The following CNTNAP4 variants were observed in gnomAD, a reference collection of about 807,000 sequenced individuals.
CNTNAP4 encodes the protein contactin-associated protein-like 4.
In CNTNAP4, 98 loss-of-function variants were observed where a neutral mutation model predicts 148.4. The ratio of observed to expected loss-of-function variants is 0.66; its 90% confidence interval spans 0.56 to 0.78. The LOEUF is 0.78. Among genes scored for constraint, CNTNAP4 ranks in the 30% least tolerant of loss-of-function variants. CNTNAP4 has a pLI of 0.00. For synonymous variants in CNTNAP4, 730 were observed against 565.1 expected (o/e 1.29, Z -4.14); for missense variants, 1,935 against 1,565.6 (o/e 1.24, Z -3.98).
chr16:76,522,766 C>CTTTTCTTTTCTTTTCTTTT lies in CNTNAP4; in HGVS notation c.2755+522_2755+523insTCTTTTTTTTCTTTTCTTT, dbSNP rs1568498490. 1.8e-4 allele frequency among the ~76,000 whole-genome samples: 16 copies of CTTTTCTTTTCTTTTCTTTT among 87,208 alleles called. 1 individual carries two copies. The highest frequency in any genetic ancestry group is 2.8e-4 in the Non-Finnish European group (12 of 42,154). 57.2% of individuals were successfully genotyped at this position (87,208 alleles called of 152,430 possible). A position where few individuals can be genotyped will look rare whatever the true frequency, so the allele number is the denominator to read the frequency against. On this transcript the variant is annotated intron_variant, in intron 17 of 23. Transcript: ENST00000611870. The stretch of plus-strand genomic sequence containing the variant: ...CTTTTCTTTTCTTTTCTTTTCTTTT[C>CTTTTCTTTTCTTTTCTTTT]TTTTCTTTTCTTTCTTGACAGAGTC...
intron 20 of CNTNAP4, among the ~76,000 whole-genome samples, chr16:76,540,244 T>A (rs969642785): frequency 7.9e-5 from 12 of 152,140 alleles, no homozygotes; most frequent in African/African-American, 2.9e-4. Context: ...AAAATGGAAT[T>A]ATTCATGGAG....
chr16:76,549,607 A>G (rs1057067777), intron 21 of CNTNAP4, among the ~76,000 whole-genome samples: 7 of 152,098 alleles, frequency 4.6e-5, no homozygotes, highest in Non-Finnish European at 1.0e-4. Context: ...AGGCTTAGTA[A>G]GAGTACTTTA....
intron 10 of CNTNAP4, among the ~76,000 whole-genome samples, chr16:76,475,412 G>T (rs2081535871): frequency 6.6e-6 from 1 of 152,100 alleles, no homozygotes; most frequent in East Asian, 1.9e-4. Flanking sequence ...AAATTATCCT[G>T]GGAGTCCCTA....
chr16:76,486,040 A>G (rs940580599), intron 12 of CNTNAP4, among the ~76,000 whole-genome samples: 7 of 152,210 alleles, frequency 4.6e-5, no homozygotes, highest in Non-Finnish European at 8.8e-5. Flanking sequence ...CTGTTATCAC[A>G]CTAAAAAATA....
rs746271987 is a variant in CNTNAP4, at chr16:76,448,155, A to G, written c.682A>G (p.Asn228Asp). ...GATTCTACTCCACAGGGAAGGGCCA[A>G]ATGGAGATCACATCACACTGCAATT... ...DGILLHREGP[N>D]GDHITLQLRR... is the part of the protein sequence containing the mutation. The change falls in exon 5 of 24, where the codon AAT (asparagine) becomes GAT (aspartate). Residue 228 changes from asparagine to aspartate, a missense_variant. Coordinates refer to ENST00000611870, the MANE Select transcript of CNTNAP4 (RefSeq NM_033401.5). 3.7e-6 allele frequency: 6 copies of G among 1,613,640 alleles called. No homozygotes were observed. In the Admixed American group the frequency reaches 8.3e-5, roughly 22 times the overall value.
At chr16:76,523,809 G>C (rs367693890) in intron 17 of CNTNAP4, among the ~76,000 whole-genome samples, 18 of 152,184 alleles carry the variant, frequency 1.2e-4, no homozygotes, top group African/African-American at 4.3e-4. Context: ...GCACTCGCCT[G>C]TAATCCCAGC....
At chr16:76,548,295 C>CTTTTTTTTTTTTTTTTT (rs66981960) in intron 21 of CNTNAP4, among the ~76,000 whole-genome samples, 1 of 92,906 alleles carries the variant, frequency 1.1e-5, no homozygotes, top group Non-Finnish European at 2.1e-5. Context: ...TTCACTGCAC[C>CTTTTTTTTTTTTTTTTT]TTTTTTTTTT....
chr16:76,440,248 ACT>A (rs1051661139), intron 4 of CNTNAP4, among the ~76,000 whole-genome samples: 1 of 152,004 alleles, frequency 6.6e-6, no homozygotes, highest in African/African-American at 2.4e-5. Flanking sequence ...TTAATAAAAG[ACT>A]CTAGTGTCTT....
rs1042248268 is a variant in CNTNAP4 at position 76,425,463 on chromosome 16, A to G, written c.391-1989A>G. 8.5e-5 allele frequency among the ~76,000 whole-genome samples: 13 copies of G among 152,332 alleles called. No individual in the cohort carries two copies. The South Asian group carries it at 1.0e-3, about 12-fold the overall frequency. ...TTCTAGGTGTTACGGATGGAACACA[A>G]TAAACCTCCCTGCTTTAGTAGAGTT... is the stretch of plus-strand genomic sequence containing the variant. On this transcript the variant is annotated intron_variant, in intron 3 of 23. Coordinates refer to ENST00000611870, the MANE Select transcript of CNTNAP4 (RefSeq NM_033401.5).
intron 1 of CNTNAP4, chr16:76,309,957 C>T: frequency 1.4e-6 from 1 of 695,774 alleles, no homozygotes; most frequent in Non-Finnish European, 2.6e-6. Context: ...ATGTCTTTAT[C>T]AGCAGCATGG....
intron 13 of CNTNAP4, 94 bp downstream of exon 13, chr16:76,489,977 G>A (rs2082155561): frequency 5.6e-6 from 4 of 719,222 alleles, no homozygotes; most frequent in Non-Finnish European, 8.5e-6. Flanking sequence ...AAGTGGTGGT[G>A]TCTAGCCACT....
At chr16:76,504,952 A>C (rs912099673) in intron 15 of CNTNAP4, among the ~76,000 whole-genome samples, 2 of 152,172 alleles carry the variant, frequency 1.3e-5, no homozygotes, top group African/African-American at 2.4e-5. Flanking sequence ...ATAACAAAAA[A>C]ACCCCAAAAT....
At chr16:76,296,492 G>A (rs1959313373) in intron 1 of CNTNAP4, among the ~76,000 whole-genome samples, 1 of 152,158 alleles carries the variant, frequency 6.6e-6, no homozygotes, top group Non-Finnish European at 1.5e-5. Flanking sequence ...AAATGGAAAA[G>A]CAAGTTTAAA....
intron 15 of CNTNAP4, among the ~76,000 whole-genome samples, chr16:76,518,539 A>G (rs2083336884): frequency 6.6e-6 from 1 of 152,182 alleles, no homozygotes; most frequent in South Asian, 2.1e-4. Flanking sequence ...ATTTTTTTCT[A>G]GATACATAAT....
At chr16:76,353,106 A>G (rs749982771) in intron 2 of CNTNAP4, among the ~76,000 whole-genome samples, 4 of 152,136 alleles carry the variant, frequency 2.6e-5, no homozygotes, top group African/African-American at 4.8e-5. Context: ...TTAAAAGTCA[A>G]AACGCATAAA....
At chr16:76,404,020 A>C (rs1048775217) in intron 3 of CNTNAP4, among the ~76,000 whole-genome samples, 1 of 152,168 alleles carries the variant, frequency 6.6e-6, no homozygotes, top group Non-Finnish European at 1.5e-5. Context: ...AAGGAAAGGA[A>C]CAACGGACAC....
intron 4 of CNTNAP4, among the ~76,000 whole-genome samples, chr16:76,436,210 A>G (rs779942941): frequency 5.9e-5 from 9 of 152,088 alleles, no homozygotes; most frequent in Non-Finnish European, 1.3e-4. Flanking sequence ...GGTGGAAAGA[A>G]TGATGGCAGT....
chr16:76,283,029 T>A (rs1466974581), intron 1 of CNTNAP4, among the ~76,000 whole-genome samples: 1 of 151,830 alleles, frequency 6.6e-6, no homozygotes, highest in Non-Finnish European at 1.5e-5. Context: ...ACTAGGATAG[T>A]CTCAAAGAGC....
At chr16:76,545,838 T>C (rs2084699296) in intron 21 of CNTNAP4, among the ~76,000 whole-genome samples, 1 of 151,928 alleles carries the variant, frequency 6.6e-6, no homozygotes, top group Non-Finnish European at 1.5e-5. Flanking sequence ...GAGATTGAGA[T>C]CATCCTGGCT....
Sources: gnomAD v4.1 joint callset for allele counts (sites outside exome capture counted in the v4.1 genomes callset) on GRCh38, gnomAD v4.1.1 for gene constraint, MANE v1.5 for transcripts, NCBI Gene and HGNC (gene_info 2026-07-23, HGNC 2026-07-21) for gene names.